URI1: variants seen among roughly 807,000 people sequenced by gnomAD.
URI1 encodes unconventional prefoldin RPB5 interactor 1.
Under a neutral mutation model 60.2 loss-of-function variants are expected in URI1, and 39 were observed. The observed-to-expected ratio is 0.65, with a 90% CI of 0.50 to 0.85. The LOEUF (loss-of-function observed/expected upper bound fraction) is 0.85. URI1 is among the 40% of genes least tolerant of loss of function. URI1 has a pLI of 0.00. For synonymous variants in URI1, 251 were observed against 236.8 expected, an observed-to-expected ratio of 1.06 and a Z score of -0.55; for missense variants, 691 against 665.9, an observed-to-expected ratio of 1.04 and a Z score of -0.42.
intron 1 of URI1, among the ~76,000 whole-genome samples, chr19:29,969,916 A>G (rs1343104843): frequency 3.3e-5 from 5 of 152,106 alleles, no homozygotes; most frequent in African/African-American, 7.2e-5. Context: ...AAGTGTTGCT[A>G]TGTGATTGAT....
chr19:29,987,065 A>G (rs2055681060), intron 4 of URI1, among the ~76,000 whole-genome samples: 1 of 152,066 alleles, frequency 6.6e-6, no homozygotes, highest in South Asian at 2.1e-4. Context: ...CACACTACAC[A>G]TTTTGCAGTT....
chr19:29,940,433 G>A (rs2055011924), upstream of URI1, among the ~76,000 whole-genome samples: 1 of 152,124 alleles, frequency 6.6e-6, no homozygotes, highest in South Asian at 2.1e-4. Flanking sequence ...TGGATCACTT[G>A]AGGCCAGGAG....
intron 2 of URI1, among the ~76,000 whole-genome samples, chr19:29,975,360 A>AT (rs1387029060): frequency 6.7e-6 from 1 of 150,032 alleles, no homozygotes; most frequent in African/African-American, 2.5e-5. Context: ...GAAAGACTAT[A>AT]TATTAACTTT....
intron 1 of URI1, among the ~76,000 whole-genome samples, chr19:29,959,475 C>G (rs987349713): frequency 6.6e-6 from 1 of 152,130 alleles, no homozygotes. Flanking sequence ...TCAACAAAGC[C>G]GTCTGGGCCC....
intron 1 of URI1, among the ~76,000 whole-genome samples, chr19:29,953,709 G>A (rs79132617): frequency 0.014 from 2,054 of 149,138 alleles, 49 homozygotes; most frequent in African/African-American, 0.047. Context: ...TTTTTAGAGC[G>A]TAGTTAGGAA....
chr19:29,965,792 GA>G (rs1316593881), intron 1 of URI1, among the ~76,000 whole-genome samples: 1 of 151,956 alleles, frequency 6.6e-6, no homozygotes, highest in Non-Finnish European at 1.5e-5. Flanking sequence ...ATTACTGAAA[GA>G]AAAAAAGAGC....
intron 1 of URI1, among the ~76,000 whole-genome samples, chr19:29,964,982 T>G (rs2055374963): frequency 1.3e-5 from 2 of 152,174 alleles, no homozygotes; most frequent in African/African-American, 2.4e-5. Context: ...TTTTCTTAGT[T>G]GCAAATCATA....
chr19:29,981,928 C>T (rs2055603040), intron 2 of URI1, among the ~76,000 whole-genome samples: 1 of 152,192 alleles, frequency 6.6e-6, no homozygotes, highest in African/African-American at 2.4e-5. Context: ...GACTTAACCT[C>T]AGTAATGCAT....
At chr19:29,989,343 C>A (rs1410775216) in intron 4 of URI1, among the ~76,000 whole-genome samples, 1 of 151,334 alleles carries the variant, frequency 6.6e-6, no homozygotes, top group Non-Finnish European at 1.5e-5. Context: ...GAACTCCTGA[C>A]CTCAGGTGAT....
chr19:29,949,355 G>A (rs1296773561), intron 1 of URI1, among the ~76,000 whole-genome samples: 32 of 151,806 alleles, frequency 2.1e-4, no homozygotes, highest in Admixed American at 6.6e-4. Context: ...GACGATGGGC[G>A]GCTGGGCAGA....
intron 2 of URI1, 136 bp from the exon 3 acceptor site, chr19:29,985,087 T>C (rs2055646797): frequency 1.3e-6 from 1 of 753,048 alleles, no homozygotes; most frequent in African/African-American, 2.2e-5. Context: ...GCCACTGCAC[T>C]TTAGCCTGGG....
chr19:29,936,021 C>T (rs1258571533), intron 1 of URI1, among the ~76,000 whole-genome samples: 1 of 152,152 alleles, frequency 6.6e-6, no homozygotes, highest in African/African-American at 2.4e-5. Context: ...TGCCTGACCT[C>T]ATGATCCACC....
At chr19:29,968,319 T>TA (rs2055414308) in intron 1 of URI1, among the ~76,000 whole-genome samples, 1 of 152,170 alleles carries the variant, frequency 6.6e-6, no homozygotes, top group Admixed American at 6.5e-5. Flanking sequence ...ATTGTGGTCT[T>TA]ACTTTTGTGG....
At chr19:29,953,433 A>G (rs2055204346) in intron 1 of URI1, among the ~76,000 whole-genome samples, 1 of 152,152 alleles carries the variant, frequency 6.6e-6, no homozygotes, top group Admixed American at 6.5e-5. Flanking sequence ...TCATTTAATA[A>G]TTGTGAAGTA....
intron 1 of URI1, among the ~76,000 whole-genome samples, chr19:29,954,760 T>C (rs1361791902): frequency 1.3e-5 from 2 of 151,964 alleles, no homozygotes; most frequent in Admixed American, 1.3e-4. Flanking sequence ...TCAGGTGATC[T>C]GCCCGCCTCA....
exon 1 of URI1, chr19:29,923,720 G>A: frequency 6.5e-7 from 1 of 1,536,754 alleles, no homozygotes; most frequent in Non-Finnish European, 8.7e-7. Flanking sequence ...CTTCAAGGAA[G>A]CCACGTTTCT....
At chr19:29,986,634 A>G (rs1568432425) in intron 4 of URI1, among the ~76,000 whole-genome samples, 1 of 152,162 alleles carries the variant, frequency 6.6e-6, no homozygotes, top group Non-Finnish European at 1.5e-5. Context: ...CTACATTGGC[A>G]TGTTTTCAGA....
intron 4 of URI1, among the ~76,000 whole-genome samples, chr19:29,994,879 T>G (rs2145404825): frequency 6.6e-6 from 1 of 152,088 alleles, no homozygotes; most frequent in Non-Finnish European, 1.5e-5. Flanking sequence ...CCTCCCAGGT[T>G]CAAGAGCCTT....
At chr19:29,929,049 T>C (rs964820814) in intron 1 of URI1, among the ~76,000 whole-genome samples, 4 of 152,228 alleles carry the variant, frequency 2.6e-5, no homozygotes, top group Non-Finnish European at 5.9e-5. Flanking sequence ...ACTAAACACA[T>C]GTATACTGAA....
Sources: allele counts gnomAD v4.1 joint callset (sites outside exome capture counted in the v4.1 genomes callset), GRCh38; gene constraint gnomAD v4.1.1; transcripts MANE v1.5; gene names NCBI Gene and HGNC (gene_info 2026-07-23, HGNC 2026-07-21).